The following MAG variants were observed in gnomAD, a reference collection of about 807,000 sequenced individuals.
The protein encoded by MAG is myelin-associated glycoprotein.
In MAG, 30 loss-of-function variants were observed where a neutral mutation model predicts 60.7. That is an observed-to-expected ratio of 0.49 (90% CI 0.37 to 0.67). The LOEUF (loss-of-function observed/expected upper bound fraction) is 0.67. Ranked by LOEUF, MAG falls within the 30% of genes least tolerant of loss-of-function variation. MAG has a pLI of 0.00. For missense variants in MAG, 795 were observed against 851.7 expected, an observed-to-expected ratio of 0.93 and a Z score of 0.83; for synonymous variants, 384 against 376.8, an observed-to-expected ratio of 1.02 and a Z score of -0.22.
rs2066396923 is a variant in MAG, at chr19:35,296,171, G to GC, written c.415+194dup. Reference sequence around the variant, plus strand: ...AGATGACAGACATGAACAAAGCAGGGCCCCAAAATAGTCTTGCTGCCCTCA... The same window carrying GC: ...AGATGACAGACATGAACAAAGCAGGGCCCCCAAAATAGTCTTGCTGCCCTCA... On this transcript the variant is annotated intron_variant, in intron 4 of 10. Transcript: ENST00000392213. Among the ~76,000 whole-genome samples, 5 of 152,336 alleles carry GC rather than the reference G, an allele frequency of 3.3e-5. No homozygotes were observed. The South Asian group carries it at 1.0e-3, about 32-fold the overall frequency.
At chr19:35,302,132 T>A (rs1428063153) in intron 6 of MAG, among the ~76,000 whole-genome samples, 5 of 152,180 alleles carry the variant, frequency 3.3e-5, no homozygotes, top group Non-Finnish European at 7.3e-5. Flanking sequence ...TCTCAGTGAA[T>A]GTTGGATGAT....
In MAG at chr19:35,294,995, C is replaced by T. The variant is rs141818215; in HGVS notation, c.-23-391C>T. Reference sequence around the variant, plus strand: ...AGCAGACCAGGCATGGTGATTTACACCTGTAATCCTTTGGGAAGCCAAGGC... The same window carrying T: ...AGCAGACCAGGCATGGTGATTTACATCTGTAATCCTTTGGGAAGCCAAGGC... On this transcript the variant is annotated intron_variant, in intron 2 of 10. Transcript: ENST00000392213. Among the ~76,000 whole-genome samples, 703 of 152,138 alleles carry T rather than the reference C, an allele frequency of 4.6e-3. 4 individuals carry two copies. Among genetic ancestry groups the T allele is most frequent in the African/African-American group, 0.015 (633 of 41,488 alleles).
intron 4 of MAG, among the ~76,000 whole-genome samples, chr19:35,297,918 CACATCACACACTGCACATGCT>C (rs2066413966): frequency 6.7e-6 from 1 of 149,230 alleles, no homozygotes; most frequent in African/African-American, 2.5e-5. Context: ...ACAAAAACCA[CACATCACACACTGCACATGCT>C]ACACACACAC....
rs1355528309 is a variant in MAG, at chr19:35,300,344, G to C, written c.910G>C (p.Ala304Pro). Residue 304 changes from alanine (A) to proline (P), a missense_variant, in exon 6 of 11, where the codon GCC becomes CCC. Coordinates refer to ENST00000392213, the MANE Select transcript of MAG (RefSeq NM_002361.4). The stretch of plus-strand genomic sequence containing the variant: ...GACCCCCGCCGAAGACGGCGTCTAT[G>C]CCTGCCTGGCCGAGAATGCCTATGG... Reference protein sequence around the residue: ...EVTPAEDGVYACLAENAYGQD... With the variant: ...EVTPAEDGVYPCLAENAYGQD... 6.3e-7 allele frequency: 1 copy of C among 1,598,098 alleles called. No individual in the cohort carries two copies. Among genetic ancestry groups the C allele is most frequent in the Non-Finnish European group, 8.5e-7 (1 of 1,179,004 alleles).
chr19:35,304,088 A>G (rs1198643719), intron 7 of MAG, among the ~76,000 whole-genome samples: 3 of 152,200 alleles, frequency 2.0e-5, no homozygotes, highest in Non-Finnish European at 4.4e-5. Flanking sequence ...TGCTGTGTAC[A>G]TGGCGACAAT....
At chr19:35,294,373 T>C (rs1279499049) in intron 2 of MAG, 83 bp downstream of exon 2, 3 of 411,414 alleles carry the variant, frequency 7.3e-6, no homozygotes. Flanking sequence ...TCTTACTTTC[T>C]GGAGATCTCC....
Position 35,313,432 on chromosome 19 carries a change from A to T in MAG, c.1859A>T (p.Tyr620Phe), listed in dbSNP as rs1055055028. ...SYTLTEELAE[Y>F]AEIRVK ...ACGCTGACGGAGGAGCTAGCTGAGT[A>T]TGCTGAAATCCGGGTCAAGTGAAGG... Residue 620 changes from tyrosine (Y) to phenylalanine (F), a missense_variant, in exon 11 of 11, where the codon TAT becomes TTT. Coordinates refer to ENST00000392213, the MANE Select transcript of MAG (RefSeq NM_002361.4). 2 of 1,613,264 alleles carry T rather than the reference A, an allele frequency of 1.2e-6. No homozygotes were observed. Among genetic ancestry groups the T allele is most frequent in the Non-Finnish European group, 1.7e-6 (2 of 1,179,670 alleles).
rs115911529 is a variant in MAG, at chr19:35,295,407, G to T, written c.-2G>T. The T allele has an allele frequency of 6.2e-7, 1 of 1,613,838 alleles. No individual in the cohort carries two copies. The highest frequency in any genetic ancestry group is 8.5e-7 in the Non-Finnish European group (1 of 1,180,028). On this transcript the variant is annotated 5_prime_UTR_variant, in exon 3 of 11. Transcript: ENST00000392213. The surrounding 1 kb of genome is among the most constrained non-coding windows in gnomAD (Gnocchi z 5.8). The stretch of plus-strand genomic sequence containing the variant: ...CCAGCGATCACTCACTCGCTGTACA[G>T]AATGATATTCCTCACGGCACTGCCT...
Position 35,310,621 on chromosome 19 carries a change from T to G in MAG, c.1594T>G (p.Tyr532Asp), listed in dbSNP as rs1333867946. 1.2e-6 allele frequency: 2 copies of G among 1,613,980 alleles called. No individual in the cohort carries two copies. The highest frequency in any genetic ancestry group is 2.7e-5 in the African/African-American group (2 of 74,920). Residue 532 changes from tyrosine to aspartate, a missense_variant, in exon 9 of 11, where the codon TAC becomes GAC. Transcript: ENST00000392213. ...AFAILIAIVCYITQTRRKKNV... is the reference protein window; with the variant it reads ...AFAILIAIVCDITQTRRKKNV... ...TGCCATCCTGATTGCCATCGTCTGC[T>G]ACATTACCCAGACACGCAGGAAGTG...
chr19:35,304,745 G>T (rs1044199705), intron 7 of MAG, among the ~76,000 whole-genome samples: 5 of 151,986 alleles, frequency 3.3e-5, no homozygotes, highest in South Asian at 2.1e-4. Flanking sequence ...TCTCCATGTT[G>T]CCCAGGCTGT....
At chr19:35,310,496 C>T (rs1568476759) in intron 8 of MAG, 51 bp from the exon 9 acceptor site, 3 of 1,495,738 alleles carry the variant, frequency 2.0e-6, no homozygotes, top group Admixed American at 1.7e-5. Context: ...TCTCAGGTGT[C>T]GTCACCACCA....
intron 10 of MAG, chr19:35,312,588 A>G: frequency 1.8e-6 from 1 of 563,940 alleles, no homozygotes; most frequent in South Asian, 2.3e-5. Context: ...CACCTGCAGG[A>G]CCTCCCAGAT....
chr19:35,310,031 G>A lies in MAG; in HGVS notation c.1389G>A (p.Ser463=), dbSNP rs146965882. 1.9e-5 allele frequency: 30 copies of A among 1,613,746 alleles called. No homozygotes were observed. Among genetic ancestry groups the A allele is most frequent in the Middle Eastern group, 3.3e-4 (2 of 6,084 alleles). Residue 463 remains serine, a synonymous_variant, in exon 8 of 11, where the codon TCG becomes TCA. Transcript: ENST00000392213. The part of the protein sequence containing the change: ...VNESEREFVY[S]ERSGLVLTSI... ...AGAGCGAGCGGGAGTTCGTGTACTC[G>A]GAGCGCAGCGGCCTCGTGCTCACCA...
At chr19:35,309,810 A>T (rs960861885) in intron 7 of MAG, 64 bp from the exon 8 acceptor site, 15 of 1,551,120 alleles carry the variant, frequency 9.7e-6, no homozygotes, top group Non-Finnish European at 1.2e-5. Flanking sequence ...TGAGCCAAGG[A>T]GTCTCCGGGG....
intron 4 of MAG, among the ~76,000 whole-genome samples, chr19:35,298,259 A>C (rs1406229876): frequency 6.7e-6 from 1 of 148,432 alleles, no homozygotes; most frequent in Non-Finnish European, 1.5e-5. Context: ...CACACACAAC[A>C]AACATGCACA....
At chr19:35,305,468 C>A (rs2066477162) in intron 7 of MAG, among the ~76,000 whole-genome samples, 1 of 152,144 alleles carries the variant, frequency 6.6e-6, no homozygotes, top group Non-Finnish European at 1.5e-5. Flanking sequence ...GGGAGGGTAC[C>A]ATTCTTCAAC....
At chr19:35,300,082 G>A in intron 5 of MAG, 65 bp from the exon 6 acceptor site, 1 of 1,465,070 alleles carries the variant, frequency 6.8e-7, no homozygotes, top group Non-Finnish European at 9.0e-7. Context: ...GGGCCGGGCT[G>A]GGAGAGGGCA....
rs771785942 is a variant in MAG at position 35,310,091 on chromosome 19, G to T, written c.1449G>T (p.Pro483=). The T allele has an allele frequency of 2.5e-6, 4 of 1,612,652 alleles. No homozygotes were observed. The highest frequency in any genetic ancestry group is 3.4e-6 in the Non-Finnish European group (4 of 1,179,572). Residue 483 remains proline, a synonymous_variant, in exon 8 of 11, where the codon CCG becomes CCT. Transcript: ENST00000392213. ...CGCTGCGGGGGCAGGCCCAGGCCCC[G>T]CCCCGCGTCATCTGCACCGCGAGGA... is the stretch of plus-strand genomic sequence containing the variant. The part of the protein sequence containing the change: ...ILTLRGQAQA[P]PRVICTARNL...
chr19:35,294,474 C>T (rs565206620), intron 2 of MAG, among the ~76,000 whole-genome samples, 184 bp downstream of exon 2: 1 of 152,336 alleles, frequency 6.6e-6, no homozygotes, highest in East Asian at 1.9e-4. Flanking sequence ...AACTGTGTGG[C>T]CTTGGGCGAG....
Sources: allele counts gnomAD v4.1 joint callset (sites outside exome capture counted in the v4.1 genomes callset), GRCh38; gene constraint gnomAD v4.1.1; non-coding constraint Gnocchi (gnomAD v3.1); transcripts MANE v1.5; gene names NCBI Gene and HGNC (gene_info 2026-07-23, HGNC 2026-07-21).